Variants in SPAG16 observed in about 807,000 individuals in gnomAD.
SPAG16 encodes the protein sperm associated antigen 16, also known as sperm-associated antigen 16 protein.
A neutral mutation model predicts 80.4 loss-of-function variants in SPAG16; 86 were observed. That is an observed-to-expected ratio of 1.07 (90% CI 0.90 to 1.28). SPAG16 has a LOEUF of 1.28. Among genes scored for constraint, SPAG16 ranks in the 50% most tolerant of loss-of-function variants. SPAG16 has a pLI of 0.00. For synonymous variants in SPAG16, 294 were observed against 265.9 expected (o/e 1.11, Z -1.03); for missense variants, 870 against 765.3 (o/e 1.14, Z -1.61).
intron 10 of SPAG16, among the ~76,000 whole-genome samples, chr2:213,698,031 G>A (rs904140105): frequency 6.6e-6 from 1 of 151,952 alleles, no homozygotes; most frequent in African/African-American, 2.4e-5. Flanking sequence ...TTGGCAAGGT[G>A]CTCTTATTCT....
Position 213,835,919 on chromosome 2 carries a change from T to C in SPAG16, c.1071-26566T>C, listed in dbSNP as rs1233915680. 3.3e-5 allele frequency among the ~76,000 whole-genome samples: 5 copies of C among 152,222 alleles called. No individual in the cohort carries two copies. The East Asian group carries it at 9.6e-4, about 29-fold the overall frequency. On this transcript the variant is annotated intron_variant, in intron 10 of 15. Coordinates refer to ENST00000331683, the MANE Select transcript of SPAG16 (RefSeq NM_024532.5). ...TGTGACATTTTGACAGATTCCATTA[T>C]TCTGTGGTTTAAATAAAGGAAATTG...
intron 10 of SPAG16, among the ~76,000 whole-genome samples, chr2:213,720,878 T>A (rs2066501825): frequency 6.7e-6 from 1 of 149,028 alleles, no homozygotes; most frequent in Non-Finnish European, 1.5e-5. Context: ...CCCAGTTAGC[T>A]GGGACTACAG....
At chr2:213,592,240 A>G (rs571403831) in intron 10 of SPAG16, among the ~76,000 whole-genome samples, 5 of 152,354 alleles carry the variant, frequency 3.3e-5, no homozygotes, top group Admixed American at 3.3e-4. Context: ...TTTAAAAACA[A>G]TCACATGCAC....
chr2:214,333,206 G>T lies in SPAG16; in HGVS notation c.1721-76934G>T, dbSNP rs555875596. ...CTCAAGTCTGGTTAGTTAGAAAAGA[G>T]ATCTTGGCTTTTTATTGGTGCTTCT... On this transcript the variant is annotated intron_variant, in intron 15 of 15. Transcript: ENST00000331683. 1.2e-3 allele frequency among the ~76,000 whole-genome samples: 188 copies of T among 152,262 alleles called. 1 individual carries two copies. The highest frequency in any genetic ancestry group is 6.8e-3 in the Middle Eastern group (2 of 294).
At chr2:214,130,645 T>C (rs2054720491) in intron 14 of SPAG16, among the ~76,000 whole-genome samples, 1 of 152,196 alleles carries the variant, frequency 6.6e-6, no homozygotes, top group African/African-American at 2.4e-5. Context: ...TATGTTACTA[T>C]GTAAATATAT....
chr2:214,238,307 G>T (rs1689217076), intron 15 of SPAG16: 3 of 212,248 alleles, frequency 1.4e-5, no homozygotes, highest in Non-Finnish European at 2.0e-5. Flanking sequence ...TTCACCATTG[G>T]CCATTTCATA....
intron 9 of SPAG16, among the ~76,000 whole-genome samples, chr2:213,442,540 A>T (rs2125535838): frequency 6.6e-6 from 1 of 152,366 alleles, no homozygotes; most frequent in Admixed American, 6.5e-5. Context: ...TACAGTAATT[A>T]AGACAGTGTG....
At chr2:213,406,446 G>A (rs1053701206) in intron 9 of SPAG16, among the ~76,000 whole-genome samples, 2 of 152,098 alleles carry the variant, frequency 1.3e-5, no homozygotes, top group African/African-American at 2.4e-5. Context: ...TGAGAGCCAA[G>A]GTGATGTCAT....
intron 15 of SPAG16, among the ~76,000 whole-genome samples, chr2:214,406,652 T>C (rs1574535471): frequency 6.6e-6 from 1 of 152,228 alleles, no homozygotes; most frequent in East Asian, 1.9e-4. Flanking sequence ...GGAACTAACT[T>C]TGAAAGACCC....
At chr2:213,705,406 T>G (rs2065702953) in intron 10 of SPAG16, among the ~76,000 whole-genome samples, 1 of 152,206 alleles carries the variant, frequency 6.6e-6, no homozygotes, top group Admixed American at 6.5e-5. Context: ...TGTGAAAATC[T>G]TTTGGATGAG....
intron 10 of SPAG16, among the ~76,000 whole-genome samples, chr2:213,529,939 C>G (rs535151558): frequency 7.9e-5 from 12 of 152,242 alleles, no homozygotes; most frequent in African/African-American, 2.9e-4. Flanking sequence ...CACACATTAG[C>G]AAAGGCCTAC....
intron 15 of SPAG16, among the ~76,000 whole-genome samples, chr2:214,395,225 G>A (rs924836004): frequency 7.2e-5 from 11 of 152,144 alleles, no homozygotes; most frequent in African/African-American, 2.7e-4. Flanking sequence ...TAAATACAAA[G>A]GAACACTATT....
intron 15 of SPAG16, among the ~76,000 whole-genome samples, chr2:214,188,769 CTG>C (rs1188624796): frequency 6.6e-6 from 1 of 152,126 alleles, no homozygotes; most frequent in Non-Finnish European, 1.5e-5. Flanking sequence ...TTGAAAATCT[CTG>C]TTACTGCAAT....
intron 9 of SPAG16, among the ~76,000 whole-genome samples, chr2:213,480,249 A>T (rs113118474): frequency 2.4e-4 from 36 of 152,210 alleles, no homozygotes; most frequent in Non-Finnish European, 5.0e-4. Flanking sequence ...TCAGTTAGCT[A>T]AGATGCTATA....
intron 11 of SPAG16, among the ~76,000 whole-genome samples, chr2:213,875,298 A>G (rs923671202): frequency 1.2e-4 from 18 of 152,096 alleles, no homozygotes; most frequent in Non-Finnish European, 1.2e-4. Flanking sequence ...CATTGAAAAA[A>G]TCTGTGAAGT....
At chr2:214,290,742 G>A (rs568095531) in intron 15 of SPAG16, among the ~76,000 whole-genome samples, 2 of 152,060 alleles carry the variant, frequency 1.3e-5, no homozygotes, top group African/African-American at 4.8e-5. Context: ...CTGAGAATAT[G>A]CTTAGTGTGA....
At chr2:214,180,073 C>T (rs529355007) in intron 15 of SPAG16, among the ~76,000 whole-genome samples, 13 of 151,696 alleles carry the variant, frequency 8.6e-5, no homozygotes, top group African/African-American at 3.1e-4. Context: ...TTCATCCCTC[C>T]TTCCCATTTC....
intron 15 of SPAG16, among the ~76,000 whole-genome samples, chr2:214,398,362 A>AT (rs1443126650): frequency 2.0e-5 from 3 of 152,214 alleles, no homozygotes; most frequent in Non-Finnish European, 4.4e-5. Context: ...TATTCCATTT[A>AT]TTCAGACAAG....
At chr2:214,258,487 A>ATATATATATATATATATATATATATG (rs1559161026) in intron 15 of SPAG16, among the ~76,000 whole-genome samples, 2 of 147,132 alleles carry the variant, frequency 1.4e-5, no homozygotes, top group African/African-American at 5.2e-5. Context: ...ATATATATAT[A>ATATATATATATATATATATATATATG]TATACACACA....
Sources: gnomAD v4.1 joint callset for allele counts (sites outside exome capture counted in the v4.1 genomes callset) on GRCh38, gnomAD v4.1.1 for gene constraint, MANE v1.5 for transcripts, NCBI Gene and HGNC (gene_info 2026-07-23, HGNC 2026-07-21) for gene names.